The following INPP4B variants were observed in gnomAD, a reference collection of about 807,000 sequenced individuals.
INPP4B encodes the protein inositol polyphosphate-4-phosphatase type II B.
INPP4B carries 55 observed loss-of-function variants against 122.5 expected under a neutral mutation model. The observed-to-expected ratio is 0.45, with a 90% confidence interval of 0.36 to 0.56. The LOEUF is 0.56. Among genes scored for constraint, INPP4B ranks in the 20% least tolerant of loss-of-function variants. The pLI is 0.00. For missense variants in INPP4B, 1,000 were observed against 1,097.7 expected (o/e 0.91, Z 1.26); for synonymous variants, 403 against 388.7 (o/e 1.04, Z -0.43).
At chr4:142,446,814 T>A (rs1813008993) in intron 3 of INPP4B, among the ~76,000 whole-genome samples, 1 of 152,154 alleles carries the variant, frequency 6.6e-6, no homozygotes, top group Non-Finnish European at 1.5e-5. Context: ...AAAACAATAC[T>A]CTTTGGTTCT....
At chr4:142,641,205 T>C (rs758459279) in intron 2 of INPP4B, among the ~76,000 whole-genome samples, 1 of 152,126 alleles carries the variant, frequency 6.6e-6, no homozygotes, top group Non-Finnish European at 1.5e-5. Flanking sequence ...ACTACTAGAT[T>C]GCTAAAATGT....
At chr4:142,256,917 G>A (rs1290631460) in intron 11 of INPP4B, among the ~76,000 whole-genome samples, 2 of 152,152 alleles carry the variant, frequency 1.3e-5, no homozygotes, top group Non-Finnish European at 2.9e-5. Context: ...GAGAATTTTA[G>A]ACCAATATCT....
intron 3 of INPP4B, among the ~76,000 whole-genome samples, chr4:142,447,058 G>A (rs1211798337): frequency 6.6e-6 from 1 of 152,166 alleles, no homozygotes; most frequent in Non-Finnish European, 1.5e-5. Flanking sequence ...TAGTCATTAT[G>A]AATTGAACTA....
intron 17 of INPP4B, among the ~76,000 whole-genome samples, chr4:142,147,469 C>G (rs542793159): frequency 6.6e-6 from 1 of 152,092 alleles, no homozygotes; most frequent in Non-Finnish European, 1.5e-5. Flanking sequence ...AATTTTGGAT[C>G]CTTATGTGAC....
chr4:142,389,121 G>C (rs375361998), intron 7 of INPP4B, among the ~76,000 whole-genome samples: 1 of 151,996 alleles, frequency 6.6e-6, no homozygotes, highest in Non-Finnish European at 1.5e-5. Flanking sequence ...ACAGTGGCAG[G>C]TGCCTATAAT....
chr4:142,585,408 T>C (rs975480174), intron 2 of INPP4B, among the ~76,000 whole-genome samples: 2 of 152,118 alleles, frequency 1.3e-5, no homozygotes, highest in East Asian at 3.9e-4. Context: ...TACCACACAT[T>C]CCTAGCACAG....
chr4:142,187,121 T>C (rs553262393), intron 15 of INPP4B, among the ~76,000 whole-genome samples: 20 of 152,170 alleles, frequency 1.3e-4, no homozygotes, highest in African/African-American at 4.8e-4. Context: ...AATCAAATTA[T>C]AATCAAAAGA....
intron 6 of INPP4B, among the ~76,000 whole-genome samples, 177 bp downstream of exon 6, chr4:142,405,029 T>A (rs1318548589): frequency 6.7e-6 from 1 of 148,582 alleles, no homozygotes; most frequent in Non-Finnish European, 1.5e-5. Context: ...ATGTGCTTCT[T>A]AATGACAGAG....
rs551228788 is a variant in INPP4B, at chr4:142,481,133, CAAAAAAAAAAA to C, written c.-190-18418_-190-18408del. On this transcript the variant is annotated intron_variant, in intron 2 of 25. Coordinates refer to ENST00000262992, the MANE Select transcript of INPP4B (RefSeq NM_001101669.3). ...CTGGCAACAGAGCGAGACTCTGTCT[CAAAAAAAAAAA>C]AAAAAAAAAAAAGTAGATTAAACTG... is the stretch of plus-strand genomic sequence containing the variant. Among the ~76,000 whole-genome samples the C allele has an allele frequency of 8.6e-5, 5 of 57,894 alleles. No individual in the cohort carries two copies. In the South Asian group the frequency reaches 2.7e-3, roughly 31 times the overall value. The allele number at this position is 57,894 out of a possible 152,430, so 38.0% of individuals were successfully genotyped here. A position where few individuals can be genotyped will look rare whatever the true frequency, so the allele number is the denominator to read the frequency against.
chr4:142,367,792 A>G (rs1788133045), intron 7 of INPP4B, among the ~76,000 whole-genome samples: 1 of 152,186 alleles, frequency 6.6e-6, no homozygotes, highest in Non-Finnish European at 1.5e-5. Context: ...TACCTCTGCT[A>G]TGCAATTGTA....
At chr4:142,564,049 T>C (rs1449517175) in intron 2 of INPP4B, among the ~76,000 whole-genome samples, 2 of 152,232 alleles carry the variant, frequency 1.3e-5, no homozygotes, top group Non-Finnish European at 2.9e-5. Context: ...AGTTTAGTAA[T>C]GATTTCTCAC....
intron 1 of INPP4B, among the ~76,000 whole-genome samples, chr4:142,805,711 T>A (rs539035987): frequency 6.6e-6 from 1 of 152,348 alleles, no homozygotes; most frequent in Non-Finnish European, 1.5e-5. Flanking sequence ...GGACATTTTA[T>A]TTCTTCTAGC....
chr4:142,677,138 A>C (rs1757931023), intron 2 of INPP4B, among the ~76,000 whole-genome samples: 1 of 152,140 alleles, frequency 6.6e-6, no homozygotes, highest in African/African-American at 2.4e-5. Flanking sequence ...ACTTAAACAG[A>C]TGTACAAGAA....
At chr4:142,538,473 T>G (rs1033599389) in intron 2 of INPP4B, among the ~76,000 whole-genome samples, 1 of 152,094 alleles carries the variant, frequency 6.6e-6, no homozygotes, top group African/African-American at 2.4e-5. Flanking sequence ...CCATGAACCT[T>G]TATACTTCAA....
At chr4:142,297,967 T>A (rs1759520909) in intron 9 of INPP4B, among the ~76,000 whole-genome samples, 1 of 152,170 alleles carries the variant, frequency 6.6e-6, no homozygotes. Flanking sequence ...GGAAGGGAGT[T>A]TATTACTACT....
chr4:142,563,082 T>C (rs1285482547), intron 2 of INPP4B, among the ~76,000 whole-genome samples: 4 of 152,240 alleles, frequency 2.6e-5, no homozygotes, highest in African/African-American at 2.4e-5. Context: ...AGAGTACCTC[T>C]GCTAGGCAGA....
At chr4:142,276,661 A>G (rs560718104) in intron 9 of INPP4B, among the ~76,000 whole-genome samples, 1 of 152,088 alleles carries the variant, frequency 6.6e-6, no homozygotes, top group African/African-American at 2.4e-5. Context: ...ATTCTTCAGT[A>G]TATGGAAATG....
At chr4:142,288,367 G>A (rs189184068) in intron 9 of INPP4B, among the ~76,000 whole-genome samples, 177 of 152,256 alleles carry the variant, frequency 1.2e-3, no homozygotes, top group African/African-American at 4.2e-3. Context: ...GGTGGATCAC[G>A]AGGTCAGCAG....
chr4:142,253,195 A>T (rs1488768693), intron 11 of INPP4B, among the ~76,000 whole-genome samples: 1 of 152,234 alleles, frequency 6.6e-6, no homozygotes, highest in Admixed American at 6.5e-5. Context: ...TCAGAGCTAG[A>T]AGAAGGTGCT....
Sources: gnomAD v4.1 joint callset for allele counts (sites outside exome capture counted in the v4.1 genomes callset) on GRCh38, gnomAD v4.1.1 for gene constraint, MANE v1.5 for transcripts, NCBI Gene and HGNC (gene_info 2026-07-23, HGNC 2026-07-21) for gene names.